The following CEP250 variants were observed in gnomAD, a reference collection of about 807,000 sequenced individuals.
The protein encoded by CEP250 is centrosomal protein 250, also known as centrosome-associated protein CEP250.
Under a neutral mutation model 315.7 loss-of-function variants are expected in CEP250, and 242 were observed. The ratio of observed to expected loss-of-function variants is 0.77; its 90% CI spans 0.69 to 0.85. CEP250 has a LOEUF of 0.85. CEP250 is among the 40% of genes least tolerant of loss of function. The pLI, the probability that CEP250 is intolerant of heterozygous loss-of-function variation, is 0.00. For synonymous variants in CEP250, 1,088 were observed against 1,175.0 expected (o/e 0.93, Z 1.51); for missense variants, 2,515 against 2,886.4 (o/e 0.87, Z 2.95).
At position 35,479,341 on chromosome 20, in the gene CEP250, A is replaced by G; in HGVS notation, c.2205A>G (p.Val735=). 2 of 1,614,184 alleles carry G rather than the reference A, an allele frequency of 1.2e-6. No individual in the cohort carries two copies. The highest frequency in any genetic ancestry group is 2.2e-5 in the East Asian group (1 of 44,882). ...CAGTCCAGGAGAAGGAGGCCCTAGT[A>G]CGAGAGAAAGCGGCTCTAGAGGTGC... ...ARAVQEKEAL[V]REKAALEVRL... The change falls in exon 18 of 35, where the codon GTA becomes GTG. Residue 735 remains valine, a synonymous_variant. Transcript: ENST00000397527.
chr20:35,486,428 A>G (rs1404348838), intron 20 of CEP250, among the ~76,000 whole-genome samples: 2 of 150,188 alleles, frequency 1.3e-5, no homozygotes, highest in Non-Finnish European at 3.0e-5. Context: ...TTTTTGGTAG[A>G]GATGTGATCT....
intron 20 of CEP250, among the ~76,000 whole-genome samples, chr20:35,482,293 G>A (rs1347450883): frequency 2.0e-5 from 3 of 152,074 alleles, no homozygotes; most frequent in Non-Finnish European, 4.4e-5. Flanking sequence ...GTGCAGTGGC[G>A]CAATCTTGGC....
At chr20:35,505,045 C>A in intron 30 of CEP250, 40 bp downstream of exon 30, 1 of 1,513,762 alleles carries the variant, frequency 6.6e-7, no homozygotes, top group Non-Finnish European at 8.9e-7. Context: ...GGGGACACAC[C>A]CCTGTCTGGC....
At chr20:35,499,557 C>T (rs1186249496) in intron 27 of CEP250, among the ~76,000 whole-genome samples, 1 of 152,224 alleles carries the variant, frequency 6.6e-6, no homozygotes, top group Non-Finnish European at 1.5e-5. Flanking sequence ...GACCTGGTCT[C>T]TGCCTAAAGA....
At position 35,503,258 on chromosome 20, in the gene CEP250, A is replaced by G. The variant is rs760716080; in HGVS notation, c.4889A>G (p.Gln1630Arg). The G allele has an allele frequency of 5.0e-6, 8 of 1,614,216 alleles. No homozygotes were observed. The African/African-American group carries it at 9.3e-5, about 19-fold the overall frequency. The change falls in exon 30 of 35, where the codon CAG becomes CGG. Residue 1630 changes from glutamine to arginine, a missense_variant. By Grantham distance (43) the Gln-to-Arg change is conservative (BLOSUM62 1). Transcript: ENST00000397527. The surrounding 1 kb of genome is among the most constrained non-coding windows in gnomAD (Gnocchi z 4.2). ...VLARELQERD[Q>R]EVKSQREQIE... ...GCAAGAGAGCTGCAGGAGAGGGACC[A>G]GGAGGTGAAGTCTCAGCGAGAACAG... is the stretch of plus-strand genomic sequence containing the variant.
At chr20:35,475,431 T>C (rs2063143249) in intron 14 of CEP250, 71 bp from the exon 15 acceptor site, 1 of 1,466,654 alleles carries the variant, frequency 6.8e-7, no homozygotes, top group South Asian at 1.2e-5. Flanking sequence ...AAGGTGATTA[T>C]ATTCCTGTTA....
rs145557638 is a variant in CEP250 at position 35,507,729 on chromosome 20, G to A, written c.6637-9G>A. ...AGGTGTGATTTTGCTCCATACCTCC[G>A]TACCCTAGGATGAACTGGAGCTCAC... On this transcript the variant is annotated splice_polypyrimidine_tract_variant and intron_variant, in intron 30 of 34. Transcript: ENST00000397527. 177 of 1,551,680 alleles carry A rather than the reference G, an allele frequency of 1.1e-4. No homozygotes were observed. Among genetic ancestry groups the A allele is most frequent in the Middle Eastern group, 6.7e-4 (4 of 5,992 alleles).
At chr20:35,501,688 C>T (rs2064007722) in intron 28 of CEP250, among the ~76,000 whole-genome samples, 157 bp from the exon 29 acceptor site, 1 of 152,154 alleles carries the variant, frequency 6.6e-6, no homozygotes, top group Admixed American at 6.5e-5. Context: ...CTCTTGATGT[C>T]CTTGATATCT....
intron 3 of CEP250, among the ~76,000 whole-genome samples, chr20:35,461,370 G>C (rs1459474035): frequency 6.7e-6 from 1 of 148,898 alleles, no homozygotes; most frequent in Non-Finnish European, 1.5e-5. Context: ...CCCATTGGAG[G>C]CAGAGCTTGG....
At position 35,502,667 on chromosome 20, in the gene CEP250, GAGA is replaced by G; in HGVS notation, c.4302_4304del (p.Glu1436del). 2 of 1,614,276 alleles carry G rather than the reference GAGA, an allele frequency of 1.2e-6. No homozygotes were observed. The highest frequency in any genetic ancestry group is 1.7e-6 in the Non-Finnish European group (2 of 1,180,054). ...CTCCTGACCCAGACCCTAGCTGAAA[GAGA>G]AGAGGAGGTGGAGACTCTGCGGGGA... On this transcript the variant is annotated inframe_deletion, in exon 30 of 35. Transcript: ENST00000397527.
Position 35,473,531 on chromosome 20 carries a change from G to A in CEP250, c.1367G>A (p.Gly456Glu). 6.2e-7 allele frequency: 1 copy of A among 1,613,570 alleles called. No homozygotes were observed. Among genetic ancestry groups the A allele is most frequent in the Non-Finnish European group, 8.5e-7 (1 of 1,179,730 alleles). The change falls in exon 13 of 35, where the codon GGA becomes GAA. Residue 456 changes from glycine to glutamate, a missense_variant. By Grantham distance (98) the Gly-to-Glu change is moderately conservative (BLOSUM62 -2). Coordinates refer to ENST00000397527, the MANE Select transcript of CEP250 (RefSeq NM_007186.6). ...GCAGGGCAGACTGTGGACCTCCAGG[G>A]AGAGGTGGACTCTCTCAGCAAGTGA... is the stretch of plus-strand genomic sequence containing the variant. ...TLAGQTVDLQ[G>E]EVDSLSKERE...
intron 20 of CEP250, among the ~76,000 whole-genome samples, chr20:35,481,439 C>G (rs773448761): frequency 2.6e-5 from 4 of 152,048 alleles, no homozygotes; most frequent in Non-Finnish European, 5.9e-5. Context: ...GAACATTTTA[C>G]TTGTTTCACT....
Position 35,502,416 on chromosome 20 carries a change from C to T in CEP250, c.4047C>T (p.Ala1349=). ...AQGERELLQA[A]KENLTAQVEH... Reference sequence around the variant, plus strand: ...GTGAGCGAGAGTTACTTCAGGCAGCCAAGGAGAACCTGACAGCCCAGGTGG... The same window carrying T: ...GTGAGCGAGAGTTACTTCAGGCAGCTAAGGAGAACCTGACAGCCCAGGTGG... Residue 1349 remains alanine, a synonymous_variant, in exon 30 of 35, where the codon GCC becomes GCT. Coordinates refer to ENST00000397527, the MANE Select transcript of CEP250 (RefSeq NM_007186.6). The T allele has an allele frequency of 6.2e-7, 1 of 1,613,346 alleles. No individual in the cohort carries two copies. The highest frequency in any genetic ancestry group is 8.5e-7 in the Non-Finnish European group (1 of 1,179,638).
At chr20:35,476,240 C>G in intron 15 of CEP250, 1 of 457,672 alleles carries the variant, frequency 2.2e-6, no homozygotes, top group Non-Finnish European at 3.9e-6. Flanking sequence ...ATAGTCATTT[C>G]TCTATCCTAA....
At chr20:35,479,546 C>T in intron 18 of CEP250, 100 bp from the exon 19 acceptor site, 3 of 1,551,980 alleles carry the variant, frequency 1.9e-6, no homozygotes, top group Non-Finnish European at 2.6e-6. Context: ...AATTGCCCCC[C>T]TAACTTCTCC....
rs748553150 is a variant in CEP250, at chr20:35,469,890, G to A, written c.852G>A (p.Arg284=). 2.5e-6 allele frequency: 4 copies of A among 1,608,878 alleles called. No individual in the cohort carries two copies. The highest frequency in any genetic ancestry group is 1.7e-4 in the Middle Eastern group (1 of 6,034). The stretch of plus-strand genomic sequence containing the variant: ...GACAGTGCTATGCTCTTCTCTTTAG[G>A]GTGACCGAGCTCTCTGCTCTGTTGA... The part of the protein sequence containing the change: ...GDLEKAELQD[R]VTELSALLTQ... Residue 284 remains arginine (R), a splice_region_variant and synonymous_variant, in exon 10 of 35, where the codon CGG becomes CGA. Transcript: ENST00000397527.
intron 33 of CEP250, among the ~76,000 whole-genome samples, chr20:35,509,703 G>A (rs1288271887): frequency 6.6e-6 from 1 of 152,246 alleles, no homozygotes; most frequent in African/African-American, 2.4e-5. Context: ...CTAGCACAAA[G>A]CAGATACATG....
intron 26 of CEP250, 29 bp from the exon 27 acceptor site, chr20:35,498,566 A>G: frequency 1.2e-6 from 2 of 1,603,184 alleles, no homozygotes; most frequent in Non-Finnish European, 1.7e-6. Context: ...AGTGGCAGCC[A>G]GGTAAGGAGG....
chr20:35,466,657 A>G (rs2062884815), intron 7 of CEP250, among the ~76,000 whole-genome samples: 1 of 152,168 alleles, frequency 6.6e-6, no homozygotes, highest in South Asian at 2.1e-4. Flanking sequence ...TCAGTGGTTT[A>G]TGTATATCAT....
Sources: gnomAD v4.1 joint callset for allele counts (sites outside exome capture counted in the v4.1 genomes callset) on GRCh38, gnomAD v4.1.1 for gene constraint, Gnocchi (gnomAD v3.1) non-coding constraint, MANE v1.5 for transcripts, NCBI Gene and HGNC (gene_info 2026-07-23, HGNC 2026-07-21) for gene names.